ATRNL1: variants seen among roughly 807,000 people sequenced by gnomAD.
ATRNL1 encodes the protein attractin like 1.
ATRNL1 carries 95 observed loss-of-function variants against 182.7 expected under a neutral mutation model. The ratio of observed to expected loss-of-function variants is 0.52; its 90% confidence interval spans 0.44 to 0.62. The LOEUF (loss-of-function observed/expected upper bound fraction) is 0.62. Ranked by LOEUF, ATRNL1 falls within the 20% of genes least tolerant of loss-of-function variation. The pLI, the probability that ATRNL1 is intolerant of heterozygous loss-of-function variation, is 0.00. For missense variants in ATRNL1, 1,471 were observed against 1,679.5 expected, an observed-to-expected ratio of 0.88 and a Z score of 2.17; for synonymous variants, 576 against 568.3, an observed-to-expected ratio of 1.01 and a Z score of -0.19.
At chr10:115,287,376 G>A (rs1852667662) in intron 15 of ATRNL1, among the ~76,000 whole-genome samples, 1 of 151,882 alleles carries the variant, frequency 6.6e-6, no homozygotes, top group Admixed American at 6.6e-5. Flanking sequence ...TCCATTTTAA[G>A]GGATACTATT....
At chr10:115,749,839 CT>C (rs1948397395) in intron 27 of ATRNL1, among the ~76,000 whole-genome samples, 1 of 151,842 alleles carries the variant, frequency 6.6e-6, no homozygotes, top group Admixed American at 6.6e-5. Context: ...CTACTTTTAG[CT>C]TGTGTGACCT....
rs79571672 is a variant in ATRNL1 at position 115,222,964 on chromosome 10, A to G, written c.1532+7084A>G. On this transcript the variant is annotated intron_variant, in intron 9 of 28. Transcript: ENST00000355044. ...GGTCCTAATAGCACATAAGTCAGAA[A>G]AGGGGTAAATTAGTGTTAAAAAGTC... Among the ~76,000 whole-genome samples, 611 of 152,292 alleles carry G rather than the reference A, an allele frequency of 4.0e-3. 5 individuals are homozygous for G. Among genetic ancestry groups the G allele is most frequent in the African/African-American group, 0.014 (581 of 41,572 alleles).
At chr10:115,818,095 T>C (rs1555089131) in intron 27 of ATRNL1, among the ~76,000 whole-genome samples, 2 of 152,020 alleles carry the variant, frequency 1.3e-5, no homozygotes, top group Non-Finnish European at 2.9e-5. Context: ...CAAATTGCCT[T>C]TCATTTTATT....
At chr10:115,637,656 G>T (rs551166931) in intron 26 of ATRNL1, among the ~76,000 whole-genome samples, 5 of 134,232 alleles carry the variant, frequency 3.7e-5, no homozygotes, top group Admixed American at 3.2e-4. Context: ...ATGGAATCTC[G>T]CTCTGTCACC....
intron 13 of ATRNL1, among the ~76,000 whole-genome samples, chr10:115,270,978 G>A (rs1211826481): frequency 6.6e-6 from 1 of 152,064 alleles, no homozygotes; most frequent in Non-Finnish European, 1.5e-5. Flanking sequence ...AGTATCCTGT[G>A]TACAACTGGA....
At chr10:115,475,188 T>G (rs1369874615) in intron 24 of ATRNL1, among the ~76,000 whole-genome samples, 1 of 151,518 alleles carries the variant, frequency 6.6e-6, no homozygotes, top group Non-Finnish European at 1.5e-5. Flanking sequence ...TTAGTAGAGA[T>G]ATGATGTTTT....
At chr10:115,264,653 G>C (rs1851531903) in intron 10 of ATRNL1, among the ~76,000 whole-genome samples, 1 of 151,282 alleles carries the variant, frequency 6.6e-6, no homozygotes, top group Non-Finnish European at 1.5e-5. Context: ...TTTTTATCTA[G>C]AAGTTTTGCA....
At chr10:115,838,280 G>A (rs1555096127) in intron 27 of ATRNL1, among the ~76,000 whole-genome samples, 1 of 152,138 alleles carries the variant, frequency 6.6e-6, no homozygotes, top group Admixed American at 6.5e-5. Flanking sequence ...AAACTTCAAG[G>A]GACGTAAGAG....
chr10:115,491,247 G>A (rs562572618), intron 24 of ATRNL1, among the ~76,000 whole-genome samples: 1 of 152,254 alleles, frequency 6.6e-6, no homozygotes, highest in African/African-American at 2.4e-5. Context: ...GAGGCCGTCT[G>A]TTCCTTATCA....
At chr10:115,287,392 G>A (rs1554919308) in intron 15 of ATRNL1, among the ~76,000 whole-genome samples, 1 of 151,598 alleles carries the variant, frequency 6.6e-6, no homozygotes. Context: ...CTATTTTTTT[G>A]TCTTTGTTCC....
chr10:115,270,759 C>G (rs12261443), intron 13 of ATRNL1, among the ~76,000 whole-genome samples: 1 of 152,034 alleles, frequency 6.6e-6, no homozygotes, highest in South Asian at 2.1e-4. Context: ...CCAATTCAGT[C>G]TCATCCAGAA....
chr10:115,862,146 G>T (rs553060892), intron 28 of ATRNL1, among the ~76,000 whole-genome samples: 1 of 152,184 alleles, frequency 6.6e-6, no homozygotes, highest in East Asian at 1.9e-4. Flanking sequence ...TGGATTTTTA[G>T]ATCACAGTTG....
intron 27 of ATRNL1, among the ~76,000 whole-genome samples, chr10:115,829,449 A>T (rs112842968): frequency 1.3e-5 from 2 of 151,354 alleles, no homozygotes; most frequent in Admixed American, 6.6e-5. Context: ...GCTTATGTCA[A>T]TTTCCACTTT....
At chr10:115,777,731 A>G (rs2134181573) in intron 27 of ATRNL1, among the ~76,000 whole-genome samples, 1 of 152,310 alleles carries the variant, frequency 6.6e-6, no homozygotes, top group East Asian at 1.9e-4. Context: ...TGCTTAACAC[A>G]AGGCCCTCAC....
At chr10:115,642,136 A>T (rs1469027944) in intron 26 of ATRNL1, among the ~76,000 whole-genome samples, 1 of 152,170 alleles carries the variant, frequency 6.6e-6, no homozygotes, top group Non-Finnish European at 1.5e-5. Flanking sequence ...TTCAGACTCA[A>T]TGGTGTTAGC....
At chr10:115,939,203 G>A (rs1589719705) in intron 28 of ATRNL1, among the ~76,000 whole-genome samples, 2 of 152,296 alleles carry the variant, frequency 1.3e-5, no homozygotes, top group South Asian at 4.1e-4. Context: ...AGGGACCACT[G>A]AGTCGTGCCC....
intron 9 of ATRNL1, among the ~76,000 whole-genome samples, chr10:115,239,793 G>C (rs918207546): frequency 6.6e-6 from 1 of 152,128 alleles, no homozygotes; most frequent in Non-Finnish European, 1.5e-5. Flanking sequence ...TTAGTGTATA[G>C]CTACCACCCT....
At chr10:115,926,953 GAC>G (rs1249751392) in intron 28 of ATRNL1, among the ~76,000 whole-genome samples, 3 of 152,004 alleles carry the variant, frequency 2.0e-5, no homozygotes, top group African/African-American at 7.2e-5. Flanking sequence ...GTCAGACAGA[GAC>G]ACAACAAAAA....
chr10:115,792,661 A>G, intron 27 of ATRNL1, among the ~76,000 whole-genome samples: 1 of 151,996 alleles, frequency 6.6e-6, no homozygotes, highest in East Asian at 1.9e-4. Context: ...AGCTCTTTTG[A>G]TAAAGGATAT....
Sources: gnomAD v4.1 joint callset for allele counts (sites outside exome capture counted in the v4.1 genomes callset) on GRCh38, gnomAD v4.1.1 for gene constraint, MANE v1.5 for transcripts, NCBI Gene and HGNC (gene_info 2026-07-23, HGNC 2026-07-21) for gene names.